Variants in NFIA observed in about 807,000 individuals in gnomAD.
NFIA encodes nuclear factor I A, also known as nuclear factor 1 A-type.
A neutral mutation model predicts 62.8 loss-of-function variants in NFIA; 8 were observed. That is an observed-to-expected ratio of 0.13 (90% CI 0.07 to 0.23). The LOEUF is 0.23. Ranked by LOEUF, NFIA falls within the 10% of genes least tolerant of loss-of-function variation. The probability of loss-of-function intolerance (pLI) is 1.00; values close to 1 mark genes in which losing one functional copy is unlikely to be tolerated. For synonymous variants in NFIA, 235 were observed against 238.1 expected, an observed-to-expected ratio of 0.99 and a Z score of 0.12; for missense variants, 410 against 642.1, an observed-to-expected ratio of 0.64 and a Z score of 3.91.
chr1:61,267,780 C>T (rs1234624811), intron 2 of NFIA, among the ~76,000 whole-genome samples: 2 of 152,256 alleles, frequency 1.3e-5, no homozygotes, highest in East Asian at 3.9e-4. Flanking sequence ...CCAGTTTCAC[C>T]AGGAGATAGG....
At position 61,155,754 on chromosome 1, in the gene NFIA, A is replaced by C. The variant is rs185171399; in HGVS notation, c.559+67074A>C. On this transcript the variant is annotated intron_variant, in intron 2 of 10. Transcript: ENST00000403491. ...TTTTCCCTCTAGATCAATCCCAATT[A>C]AAGTTTCATTGCAAAAGTTTCACAA... Among the ~76,000 whole-genome samples, 498 of 152,188 alleles carry C rather than the reference A, an allele frequency of 3.3e-3. 4 individuals are homozygous for C. The highest frequency in any genetic ancestry group is 0.027 in the Middle Eastern group (8 of 294).
At chr1:61,327,399 C>T (rs1017638207) in intron 3 of NFIA, among the ~76,000 whole-genome samples, 3 of 151,412 alleles carry the variant, frequency 2.0e-5, no homozygotes, top group South Asian at 2.1e-4. Flanking sequence ...TTTTTTAATC[C>T]GTCACTCCCT....
At chr1:61,332,982 T>G (rs1661374230) in intron 4 of NFIA, among the ~76,000 whole-genome samples, 1 of 151,860 alleles carries the variant, frequency 6.6e-6, no homozygotes. Context: ...GTCACCATCT[T>G]GCTCCATTGA....
Position 61,458,646 on chromosome 1 carries a change from C to T in NFIA, c.*3326C>T, listed in dbSNP as rs994822782. On this transcript the variant is annotated 3_prime_UTR_variant, in exon 11 of 11. Coordinates refer to ENST00000403491, the MANE Select transcript of NFIA (RefSeq NM_001134673.4). ...AATTGCTTTTCTTTCTTTTTACCCC[C>T]CCTTTGGGAACTGGATTTAAGTTTA... 1 of 150,954 alleles carries T rather than the reference C, an allele frequency of 6.6e-6. No individual in the cohort carries two copies. Among genetic ancestry groups the T allele is most frequent in the Admixed American group, 6.6e-5 (1 of 15,184 alleles). 9.4% of individuals were successfully genotyped at this position (150,954 alleles called of 1,614,324 possible).
chr1:61,364,323 C>T (rs1379271387), intron 6 of NFIA, among the ~76,000 whole-genome samples: 1 of 152,148 alleles, frequency 6.6e-6, no homozygotes, highest in Non-Finnish European at 1.5e-5. Context: ...TCTGTCTTTT[C>T]CATTGCTGTA....
chr1:61,292,486 A>T (rs1040779121), intron 3 of NFIA, among the ~76,000 whole-genome samples: 5 of 152,216 alleles, frequency 3.3e-5, no homozygotes, highest in Non-Finnish European at 5.9e-5. Flanking sequence ...GGCAGTGGGC[A>T]TATCCACATA....
intron 2 of NFIA, among the ~76,000 whole-genome samples, chr1:61,144,913 A>G (rs1468016450): frequency 2.4e-5 from 1 of 41,210 alleles, no homozygotes; most frequent in East Asian, 8.3e-4. Context: ...ACTCAGCATC[A>G]AGGCGCACCT....
intron 6 of NFIA, among the ~76,000 whole-genome samples, chr1:61,379,949 T>C (rs1290778243): frequency 3.9e-5 from 6 of 152,196 alleles, no homozygotes; most frequent in Non-Finnish European, 7.4e-5. Context: ...TTTGCACTTA[T>C]AAGTGCCTCC....
At chr1:61,169,077 C>G (rs1359435037) in intron 2 of NFIA, among the ~76,000 whole-genome samples, 2 of 152,252 alleles carry the variant, frequency 1.3e-5, no homozygotes, top group East Asian at 3.9e-4. Flanking sequence ...AGCCTTGACT[C>G]TGTTTAAGGG....
At chr1:61,438,020 C>T (rs1379115147) in intron 10 of NFIA, among the ~76,000 whole-genome samples, 1 of 152,126 alleles carries the variant, frequency 6.6e-6, no homozygotes, top group Non-Finnish European at 1.5e-5. Flanking sequence ...GTGAAGAAAC[C>T]TCTGCCTTGC....
chr1:61,299,188 T>A (rs1659359620), intron 3 of NFIA, among the ~76,000 whole-genome samples: 1 of 152,204 alleles, frequency 6.6e-6, no homozygotes, highest in Non-Finnish European at 1.5e-5. Context: ...TCCCATCCGG[T>A]ATCAAGAGGC....
intron 2 of NFIA, among the ~76,000 whole-genome samples, chr1:61,119,426 G>A (rs1478063224): frequency 6.6e-6 from 1 of 152,194 alleles, no homozygotes; most frequent in African/African-American, 2.4e-5. Context: ...AAATTGTTTA[G>A]TAAGAGGAAA....
intron 4 of NFIA, among the ~76,000 whole-genome samples, chr1:61,342,014 T>C (rs1661947711): frequency 6.6e-6 from 1 of 152,122 alleles, no homozygotes; most frequent in Non-Finnish European, 1.5e-5. Flanking sequence ...GTAGTGACCA[T>C]CTTAGCATGT....
intron 3 of NFIA, among the ~76,000 whole-genome samples, chr1:61,293,499 T>G (rs553159506): frequency 6.6e-6 from 1 of 152,224 alleles, no homozygotes; most frequent in Non-Finnish European, 1.5e-5. Context: ...TGTTGAATTC[T>G]TGGATGGCCA....
At chr1:61,405,021 CA>C (rs1191579801) in intron 8 of NFIA, among the ~76,000 whole-genome samples, 2 of 152,104 alleles carry the variant, frequency 1.3e-5, no homozygotes, top group Non-Finnish European at 2.9e-5. Flanking sequence ...TAATAATAAA[CA>C]ACGACCAGCA....
At chr1:61,403,279 C>T (rs888496514) in intron 7 of NFIA, among the ~76,000 whole-genome samples, 1 of 152,200 alleles carries the variant, frequency 6.6e-6, no homozygotes, top group African/African-American at 2.4e-5. Context: ...AATCATCCTT[C>T]TAATTCAAGG....
At chr1:61,089,419 C>T (rs1417376621) in intron 2 of NFIA, among the ~76,000 whole-genome samples, 1 of 152,036 alleles carries the variant, frequency 6.6e-6, no homozygotes, top group East Asian at 1.9e-4. Context: ...CTTACCTGTG[C>T]ATGTTTCAGT....
chr1:61,152,738 A>C (rs185610639), intron 2 of NFIA, among the ~76,000 whole-genome samples: 27 of 152,306 alleles, frequency 1.8e-4, no homozygotes, highest in African/African-American at 6.3e-4. Flanking sequence ...GAGATTGGAC[A>C]CTTTAAAATT....
intron 2 of NFIA, among the ~76,000 whole-genome samples, chr1:61,137,692 A>G (rs762737361): frequency 1.3e-5 from 2 of 152,310 alleles, no homozygotes; most frequent in Non-Finnish European, 1.5e-5. Flanking sequence ...GGCAACCTGC[A>G]CTAAAGACCT....
Sources: gnomAD v4.1 joint callset for allele counts (sites outside exome capture counted in the v4.1 genomes callset) on GRCh38, gnomAD v4.1.1 for gene constraint, MANE v1.5 for transcripts, NCBI Gene and HGNC (gene_info 2026-07-23, HGNC 2026-07-21) for gene names.